DLG2: variants seen among roughly 807,000 people sequenced by gnomAD.
DLG2 encodes disks large homolog 2.
Under a neutral mutation model 132.5 loss-of-function variants are expected in DLG2, and 45 were observed. The ratio of observed to expected loss-of-function variants is 0.34; its 90% CI spans 0.27 to 0.44. DLG2 has a LOEUF of 0.44. DLG2 is among the 20% of genes least tolerant of loss of function. The probability of loss-of-function intolerance (pLI) is 1.00; values close to 1 mark genes in which losing one functional copy is unlikely to be tolerated. For synonymous variants in DLG2, 424 were observed against 419.6 expected (o/e 1.01, Z -0.13); for missense variants, 1,045 against 1,196.9 (o/e 0.87, Z 1.87).
At chr11:84,578,187 C>T (rs1487487598) in intron 6 of DLG2, among the ~76,000 whole-genome samples, 3 of 152,178 alleles carry the variant, frequency 2.0e-5, no homozygotes, top group African/African-American at 7.2e-5. Context: ...TAGAGAACCA[C>T]TGCTAGGGTG....
chr11:83,753,799 T>C (rs1484594529), intron 18 of DLG2, among the ~76,000 whole-genome samples: 1 of 100,650 alleles, frequency 9.9e-6, no homozygotes, highest in Non-Finnish European at 1.8e-5. Context: ...ATATATGATA[T>C]ATCATATATA....
intron 3 of DLG2, among the ~76,000 whole-genome samples, chr11:85,490,292 G>C (rs1021395519): frequency 1.3e-5 from 2 of 152,056 alleles, no homozygotes; most frequent in African/African-American, 4.8e-5. Context: ...AGGGAAGTTA[G>C]CACTATTTTT....
intron 6 of DLG2, among the ~76,000 whole-genome samples, chr11:84,682,424 A>C (rs2099733524): frequency 6.6e-6 from 1 of 152,178 alleles, no homozygotes; most frequent in Non-Finnish European, 1.5e-5. Context: ...AAGGCAAGGA[A>C]TATTTTGGTT....
At chr11:84,981,346 A>T (rs2055709948) in intron 6 of DLG2, among the ~76,000 whole-genome samples, 1 of 152,142 alleles carries the variant, frequency 6.6e-6, no homozygotes, top group Non-Finnish European at 1.5e-5. Flanking sequence ...TGAGGCTGAG[A>T]GTTATGAGGA....
intron 18 of DLG2, among the ~76,000 whole-genome samples, chr11:83,751,874 A>G (rs1003689751): frequency 6.6e-6 from 1 of 152,254 alleles, no homozygotes; most frequent in Non-Finnish European, 1.5e-5. Context: ...GAGTTGTTCC[A>G]GTGTCCAGAT....
intron 8 of DLG2, among the ~76,000 whole-genome samples, chr11:84,226,718 C>A (rs1056928662): frequency 6.6e-6 from 1 of 152,030 alleles, no homozygotes. Context: ...AATCCTGGGG[C>A]AGATAAGGAA....
chr11:85,320,208 G>C (rs1211295838), intron 3 of DLG2, among the ~76,000 whole-genome samples: 1 of 151,890 alleles, frequency 6.6e-6, no homozygotes, highest in Non-Finnish European at 1.5e-5. Flanking sequence ...TGAAAATTTA[G>C]AGTCATGAGC....
chr11:83,884,564 T>C (rs1254178662), intron 15 of DLG2, among the ~76,000 whole-genome samples: 1 of 152,148 alleles, frequency 6.6e-6, no homozygotes, highest in Non-Finnish European at 1.5e-5. Context: ...GACTTAAATG[T>C]CCCTGTCGGA....
At chr11:85,586,625 C>A (rs1014265474) in intron 3 of DLG2, among the ~76,000 whole-genome samples, 6 of 152,116 alleles carry the variant, frequency 3.9e-5, no homozygotes, top group African/African-American at 1.4e-4. Flanking sequence ...CACAGTCTAT[C>A]AATTTTGTTT....
chr11:84,420,769 C>T (rs752381288), intron 7 of DLG2, among the ~76,000 whole-genome samples: 129 of 143,236 alleles, frequency 9.0e-4, no homozygotes, highest in Non-Finnish European at 1.6e-3. Flanking sequence ...CCCGGGTTCA[C>T]GCCATTCTCC....
At chr11:84,542,933 T>C (rs1352666578) in intron 6 of DLG2, among the ~76,000 whole-genome samples, 1 of 98,650 alleles carries the variant, frequency 1.0e-5, no homozygotes, top group Non-Finnish European at 2.2e-5. Flanking sequence ...CTGCAGTCTG[T>C]ACCCAGCAAA....
At chr11:83,603,514 C>T (rs2058881272) in intron 19 of DLG2, among the ~76,000 whole-genome samples, 1 of 152,096 alleles carries the variant, frequency 6.6e-6, no homozygotes, top group Admixed American at 6.5e-5. Flanking sequence ...CCCTAAGGTA[C>T]ATGCTTAAAG....
chr11:85,495,976 T>G (rs755716755), intron 3 of DLG2, among the ~76,000 whole-genome samples: 2 of 152,106 alleles, frequency 1.3e-5, no homozygotes, highest in Non-Finnish European at 2.9e-5. Flanking sequence ...CAGCTCCCAG[T>G]GAGATCGACG....
At chr11:85,162,360 C>A (rs1053943512) in intron 4 of DLG2, among the ~76,000 whole-genome samples, 5 of 152,072 alleles carry the variant, frequency 3.3e-5, no homozygotes, top group African/African-American at 1.2e-4. Flanking sequence ...TTGGGTGACT[C>A]CACCAGGAAA....
intron 5 of DLG2, among the ~76,000 whole-genome samples, chr11:85,130,033 G>A (rs1438827152): frequency 1.3e-5 from 2 of 151,958 alleles, no homozygotes; most frequent in Non-Finnish European, 2.9e-5. Context: ...AGGGAGGGGA[G>A]CATCACACAC....
chr11:84,579,586 T>C (rs1389454588), intron 6 of DLG2, among the ~76,000 whole-genome samples: 1 of 152,172 alleles, frequency 6.6e-6, no homozygotes, highest in African/African-American at 2.4e-5. Context: ...TAAGTATATG[T>C]TGCTATAATA....
intron 6 of DLG2, among the ~76,000 whole-genome samples, chr11:85,076,687 C>G (rs1026363031): frequency 3.3e-5 from 5 of 152,002 alleles, no homozygotes; most frequent in Non-Finnish European, 7.4e-5. Flanking sequence ...AATTGCTAGG[C>G]AGGCACATGT....
intron 18 of DLG2, among the ~76,000 whole-genome samples, chr11:83,676,656 A>G (rs1192683209): frequency 1.3e-5 from 2 of 152,232 alleles, no homozygotes; most frequent in African/African-American, 2.4e-5. Context: ...AGCAAAGGAA[A>G]GCAAGGGTGC....
At chr11:85,342,536 A>AT (rs2082570078) in intron 3 of DLG2, among the ~76,000 whole-genome samples, 1 of 152,228 alleles carries the variant, frequency 6.6e-6, no homozygotes, top group African/African-American at 2.4e-5. Context: ...CCAGGTAACT[A>AT]TTTTTTTATA....
Sources: allele counts gnomAD v4.1 joint callset (sites outside exome capture counted in the v4.1 genomes callset), GRCh38; gene constraint gnomAD v4.1.1; transcripts MANE v1.5; gene names NCBI Gene and HGNC (gene_info 2026-07-23, HGNC 2026-07-21).